ANGPTL4: variants seen among roughly 807,000 people sequenced by gnomAD.
ANGPTL4 encodes the protein angiopoietin like 4.
A neutral mutation model predicts 39.2 loss-of-function variants in ANGPTL4; 39 were observed. That is an observed-to-expected ratio of 1.00 (90% CI 0.77 to 1.30). ANGPTL4 has a LOEUF of 1.30. Among genes scored for constraint, ANGPTL4 ranks in the 50% most tolerant of loss-of-function variants. The pLI is 0.00. For synonymous variants in ANGPTL4, 233 were observed against 229.5 expected, an observed-to-expected ratio of 1.02 and a Z score of -0.14; for missense variants, 545 against 549.8, an observed-to-expected ratio of 0.99 and a Z score of 0.09.
At chr19:8,372,903 G>T (rs1337086344) in intron 6 of ANGPTL4, among the ~76,000 whole-genome samples, 1 of 152,118 alleles carries the variant, frequency 6.6e-6, no homozygotes, top group Non-Finnish European at 1.5e-5. Flanking sequence ...GCTGCATTGA[G>T]CCATCACCAC....
At chr19:8,373,635 CCCTATCT>C (rs1214543251) in intron 6 of ANGPTL4, 63 bp from the exon 7 acceptor site, 15 of 1,609,288 alleles carry the variant, frequency 9.3e-6, no homozygotes, top group Non-Finnish European at 1.3e-5. Context: ...TCAACCCTAT[CCCTATCT>C]CCTTTCAGCC....
chr19:8,369,866 C>T (rs1971080349), intron 4 of ANGPTL4, among the ~76,000 whole-genome samples: 1 of 151,822 alleles, frequency 6.6e-6, no homozygotes, highest in Non-Finnish European at 1.5e-5. Flanking sequence ...CGAGACCAGC[C>T]TGGACAACAT....
Position 8,373,825 on chromosome 19 carries a change from A to G in ANGPTL4, c.1160A>G (p.Tyr387Cys). The G allele has an allele frequency of 1.9e-6, 3 of 1,613,840 alleles. No homozygotes were observed. Among genetic ancestry groups the G allele is most frequent in the Non-Finnish European group, 2.5e-6 (3 of 1,179,990 alleles). Residue 387 changes from tyrosine to cysteine, a missense_variant, in exon 7 of 7, where the codon TAC (tyrosine) becomes TGC (cysteine). Physicochemically the swap from Tyr to Cys is radical, Grantham distance 194. Coordinates refer to ENST00000301455, the MANE Select transcript of ANGPTL4 (RefSeq NM_139314.3). Reference sequence around the variant, plus strand: ...TTCTGGAAGACCTGGCGGGGCCGCTACTACCCGCTGCAGGCCACCACCATG... The same window carrying G: ...TTCTGGAAGACCTGGCGGGGCCGCTGCTACCCGCTGCAGGCCACCACCATG... ...GIFWKTWRGR[Y>C]YPLQATTMLI...
intron 3 of ANGPTL4, among the ~76,000 whole-genome samples, chr19:8,366,640 G>A (rs928905055): frequency 4.6e-5 from 7 of 152,094 alleles, no homozygotes; most frequent in African/African-American, 1.7e-4. Context: ...GGTAGAAATG[G>A]GGTTCGGGGT....
rs773121891 is a variant in ANGPTL4, at chr19:8,371,288, C to G, written c.805C>G (p.Arg269Gly). 2.5e-6 allele frequency: 4 copies of G among 1,613,904 alleles called. No homozygotes were observed. The highest frequency in any genetic ancestry group is 2.7e-5 in the African/African-American group (2 of 75,040). Residue 269 changes from arginine to glycine, a missense_variant, in exon 6 of 7, where the codon CGC (arginine) becomes GGC (glycine). Transcript: ENST00000301455. This position sits in a 1 kb window ranked among gnomAD's most constrained non-coding sequence, Gnocchi z 5.1. Reference sequence around the variant, plus strand: ...GAAGGTGCATAGCATCACGGGGGACCGCAACAGCCGCCTGGCCGTGCAGCT... The same window carrying G: ...GAAGGTGCATAGCATCACGGGGGACGGCAACAGCCGCCTGGCCGTGCAGCT... ...LEKVHSITGD[R>G]NSRLAVQLRD...
At chr19:8,367,627 T>G (rs1411833198) in intron 3 of ANGPTL4, among the ~76,000 whole-genome samples, 1 of 152,016 alleles carries the variant, frequency 6.6e-6, no homozygotes, top group African/African-American at 2.4e-5. Context: ...GGGCGGTTCC[T>G]CCCAGTCTGG....
chr19:8,368,227 C>T (rs1971045807), intron 3 of ANGPTL4, among the ~76,000 whole-genome samples: 2 of 152,052 alleles, frequency 1.3e-5, no homozygotes, highest in African/African-American at 4.8e-5. Context: ...GCCATGTTGA[C>T]CAGGCTGGTC....
At chr19:8,369,600 C>T (rs560477827) in intron 4 of ANGPTL4, among the ~76,000 whole-genome samples, 7 of 151,900 alleles carry the variant, frequency 4.6e-5, no homozygotes, top group African/African-American at 9.7e-5. Context: ...ACTACAGGTG[C>T]GAGCAACCAC....
rs529369646 is a variant in ANGPTL4 at position 8,373,699 on chromosome 19, C to G, written c.1040-6C>G. 105 of 1,613,856 alleles carry G rather than the reference C, an allele frequency of 6.5e-5. No homozygotes were observed. The South Asian group carries it at 1.1e-3, about 17-fold the overall frequency. Reference sequence around the variant, plus strand: ...GACCATGTTCCCTCTCCCCTGACCCCGGCAGGAGGCTGGTGGTTTGGCACC... The same window carrying G: ...GACCATGTTCCCTCTCCCCTGACCCGGGCAGGAGGCTGGTGGTTTGGCACC... On this transcript the variant is annotated splice_region_variant and splice_polypyrimidine_tract_variant and intron_variant, in intron 6 of 6. Coordinates refer to ENST00000301455, the MANE Select transcript of ANGPTL4 (RefSeq NM_139314.3).
In ANGPTL4 at chr19:8,373,998, A is replaced by C; in HGVS notation, c.*112A>C. 1 of 1,248,560 alleles carries C rather than the reference A, an allele frequency of 8.0e-7. No individual in the cohort carries two copies. Among genetic ancestry groups the C allele is most frequent in the Admixed American group, 1.8e-5 (1 of 55,374 alleles). The allele number at this position is 1,248,560 out of a possible 1,614,324, so 77.3% of individuals were successfully genotyped here. A position where few individuals can be genotyped will look rare whatever the true frequency, so the allele number is the denominator to read the frequency against. On this transcript the variant is annotated 3_prime_UTR_variant, in exon 7 of 7. Coordinates refer to ENST00000301455, the MANE Select transcript of ANGPTL4 (RefSeq NM_139314.3). ...GGGCTCCAAGGAGGGGCCATCTGGA[A>C]ACTTGTGGACAGAGAAGAAGACCAC...
chr19:8,372,054 G>A (rs1277914606), intron 6 of ANGPTL4, among the ~76,000 whole-genome samples: 2 of 149,994 alleles, frequency 1.3e-5, no homozygotes, highest in African/African-American at 4.9e-5. Context: ...CACCGCGCCC[G>A]GCCTACTTAT....
At position 8,364,408 on chromosome 19, in the gene ANGPTL4, G is replaced by C; in HGVS notation, c.87G>C (p.Gln29His). Residue 29 changes from glutamine to histidine, a missense_variant, in exon 1 of 7, where the codon CAG (glutamine) becomes CAC (histidine). Physicochemically the swap from Gln to His is conservative, Grantham distance 24. Coordinates refer to ENST00000301455, the MANE Select transcript of ANGPTL4 (RefSeq NM_139314.3). ...TGAGCGCTCAGGGCGGACCCGTGCA[G>C]TCCAAGTCGCCGCGCTTTGCGTCCT... ...VLLSAQGGPVQSKSPRFASWD... is the reference protein window; with the variant it reads ...VLLSAQGGPVHSKSPRFASWD... 6.5e-7 allele frequency: 1 copy of C among 1,547,666 alleles called. No individual in the cohort carries two copies. The highest frequency in any genetic ancestry group is 8.7e-7 in the Non-Finnish European group (1 of 1,149,580).
chr19:8,369,031 AC>A (rs1971061539), intron 3 of ANGPTL4, among the ~76,000 whole-genome samples, 187 bp from the exon 4 acceptor site: 6 of 152,246 alleles, frequency 3.9e-5, no homozygotes, highest in South Asian at 4.1e-4. Context: ...TGCCTTGTGG[AC>A]CATGCTGAGG....
In ANGPTL4 at chr19:8,374,010, G is replaced by C; in HGVS notation, c.*124G>C. 1 of 1,116,212 alleles carries C rather than the reference G, an allele frequency of 9.0e-7. No individual in the cohort carries two copies. The highest frequency in any genetic ancestry group is 1.3e-5 in the South Asian group (1 of 76,642). The allele number at this position is 1,116,212 out of a possible 1,614,324, so 69.1% of individuals were successfully genotyped here. A position where few individuals can be genotyped will look rare whatever the true frequency, so the allele number is the denominator to read the frequency against. ...GGGGCCATCTGGAAACTTGTGGACA[G>C]AGAAGAAGACCACGACTGGAGAAGC... On this transcript the variant is annotated 3_prime_UTR_variant, in exon 7 of 7. Coordinates refer to ENST00000301455, the MANE Select transcript of ANGPTL4 (RefSeq NM_139314.3).
At chr19:8,370,991 C>A in intron 4 of ANGPTL4, 65 bp from the exon 5 acceptor site, 3 of 1,531,212 alleles carry the variant, frequency 2.0e-6, no homozygotes, top group Non-Finnish European at 2.7e-6. Flanking sequence ...GCTTGGCAGC[C>A]AGATGAGGGA....
In ANGPTL4 at chr19:8,366,168, C is replaced by T; in HGVS notation, c.430-34C>T. ...GTGTGGCTGGGGACGTGGGGCCAGG[C>T]AGGACCTGACACCCTCCTCCCGTCC... On this transcript the variant is annotated intron_variant, in intron 2 of 6. Coordinates refer to ENST00000301455, the MANE Select transcript of ANGPTL4 (RefSeq NM_139314.3). 1.9e-6 allele frequency: 3 copies of T among 1,610,412 alleles called. No individual in the cohort carries two copies. The South Asian group carries it at 3.3e-5, about 18-fold the overall frequency.
In ANGPTL4 at chr19:8,366,803, G is replaced by A. The variant is rs541727459; in HGVS notation, c.547+484G>A. Among the ~76,000 whole-genome samples, 5 of 151,972 alleles carry A rather than the reference G, an allele frequency of 3.3e-5. No homozygotes were observed. In the East Asian group the frequency reaches 7.8e-4, roughly 24 times the overall value. ...CAGCTCCCAGACCAGAAACACTCTT[G>A]TATCTTACAAATCCAATGCTCCAGG... On this transcript the variant is annotated intron_variant, in intron 3 of 6. Coordinates refer to ENST00000301455, the MANE Select transcript of ANGPTL4 (RefSeq NM_139314.3).
chr19:8,373,156 G>A (rs1415386673), intron 6 of ANGPTL4, among the ~76,000 whole-genome samples: 1 of 152,098 alleles, frequency 6.6e-6, no homozygotes, highest in East Asian at 1.9e-4. Context: ...TGTAATCCCA[G>A]CACTTTGGGA....
At chr19:8,366,436 T>G in intron 3 of ANGPTL4, 117 bp downstream of exon 3, 1 of 1,150,890 alleles carries the variant, frequency 8.7e-7, no homozygotes, top group African/African-American at 1.5e-5. Flanking sequence ...CTGGAGTCCC[T>G]GAGGGCTCAC....
Sources: gnomAD v4.1 joint callset for allele counts (sites outside exome capture counted in the v4.1 genomes callset) on GRCh38, gnomAD v4.1.1 for gene constraint, Gnocchi (gnomAD v3.1) non-coding constraint, MANE v1.5 for transcripts, NCBI Gene and HGNC (gene_info 2026-07-23, HGNC 2026-07-21) for gene names.